Variants in SEMA5A observed in about 807,000 individuals in gnomAD.
SEMA5A encodes semaphorin-5A.
A neutral mutation model predicts 135.5 loss-of-function variants in SEMA5A; 55 were observed. The observed-to-expected ratio is 0.41, with a 90% CI of 0.33 to 0.51. SEMA5A has a LOEUF of 0.51. Ranked by LOEUF, SEMA5A falls within the 20% of genes least tolerant of loss-of-function variation. The pLI, the probability that SEMA5A is intolerant of heterozygous loss-of-function variation, is 0.37. For synonymous variants in SEMA5A, 580 were observed against 546.5 expected (o/e 1.06, Z -0.85); for missense variants, 1,290 against 1,419.9 (o/e 0.91, Z 1.47).
chr5:9,408,590 G>A (rs184963823), intron 2 of SEMA5A, among the ~76,000 whole-genome samples: 191 of 152,322 alleles, frequency 1.3e-3, no homozygotes, highest in African/African-American at 3.2e-3. Flanking sequence ...CTTAGTAGGT[G>A]CAGGCATGGT....
intron 8 of SEMA5A, among the ~76,000 whole-genome samples, chr5:9,224,197 T>G (rs140372016): frequency 3.3e-5 from 5 of 152,322 alleles, no homozygotes; most frequent in African/African-American, 1.2e-4. Context: ...AACTTCTAAG[T>G]ATGTGAGTTG....
chr5:9,280,436 T>A (rs2150562471), intron 5 of SEMA5A, among the ~76,000 whole-genome samples: 1 of 152,318 alleles, frequency 6.6e-6, no homozygotes, highest in South Asian at 2.1e-4. Context: ...ACACAGGACT[T>A]GGCCCAGGTC....
At position 9,062,968 on chromosome 5, in the gene SEMA5A, TG is replaced by T; in HGVS notation, c.2436del (p.Asn812LysfsTer52). On this transcript the variant is annotated frameshift_variant, in exon 18 of 23. Coordinates refer to ENST00000382496, the MANE Select transcript of SEMA5A (RefSeq NM_003966.3). LOFTEE classifies it high-confidence loss of function. ...RGIRNRKRVC[N>X]NPEPKYGGMP... ...ATTCCCCCATACTTGGGTTCGGGGT[TG>T]TTGCAAACACGCTTCCGGTTCCGAA... 1 of 1,614,244 alleles carries T rather than the reference TG, an allele frequency of 6.2e-7. No homozygotes were observed. The highest frequency in any genetic ancestry group is 1.1e-5 in the South Asian group (1 of 91,084).
At chr5:9,294,896 C>T (rs925407698) in intron 5 of SEMA5A, among the ~76,000 whole-genome samples, 2 of 152,146 alleles carry the variant, frequency 1.3e-5, no homozygotes, top group African/African-American at 4.8e-5. Flanking sequence ...CACCAGAATT[C>T]TCAATTAGCC....
At chr5:9,458,998 A>C (rs1309982271) in intron 1 of SEMA5A, among the ~76,000 whole-genome samples, 1 of 152,196 alleles carries the variant, frequency 6.6e-6, no homozygotes, top group Non-Finnish European at 1.5e-5. Flanking sequence ...AATTTGATCT[A>C]TTTTCACAAG....
chr5:9,108,597 A>G (rs1740054250), intron 15 of SEMA5A, among the ~76,000 whole-genome samples: 1 of 152,216 alleles, frequency 6.6e-6, no homozygotes, highest in South Asian at 2.1e-4. Context: ...CCCAAAAATA[A>G]GAGTATACAG....
At chr5:9,421,230 C>A (rs1486755027) in intron 2 of SEMA5A, among the ~76,000 whole-genome samples, 1 of 152,170 alleles carries the variant, frequency 6.6e-6, no homozygotes, top group Non-Finnish European at 1.5e-5. Flanking sequence ...GGATGGAGGT[C>A]ATTTTACTTT....
chr5:9,518,442 A>G (rs151215474), intron 1 of SEMA5A, among the ~76,000 whole-genome samples: 143 of 152,346 alleles, frequency 9.4e-4, no homozygotes, highest in African/African-American at 3.0e-3. Context: ...CACCTAAGGA[A>G]GCTGAATGAA....
intron 11 of SEMA5A, among the ~76,000 whole-genome samples, chr5:9,169,374 A>G (rs765205583): frequency 7.2e-5 from 11 of 152,208 alleles, no homozygotes; most frequent in Non-Finnish European, 1.3e-4. Context: ...ACAGTAAGTA[A>G]TGTGTCCTCT....
At chr5:9,516,415 G>A (rs1435674009) in intron 1 of SEMA5A, among the ~76,000 whole-genome samples, 2 of 152,152 alleles carry the variant, frequency 1.3e-5, no homozygotes, top group East Asian at 3.8e-4. Flanking sequence ...TCTAGAAAAA[G>A]AGATTTCTCT....
At chr5:9,353,319 G>A (rs966813971) in intron 3 of SEMA5A, among the ~76,000 whole-genome samples, 505 of 40,752 alleles carry the variant, frequency 0.012, no homozygotes, top group African/African-American at 0.028. Flanking sequence ...GAAGGGAAAG[G>A]AAGGAAAGGA....
chr5:9,093,204 A>G (rs1739129847), intron 16 of SEMA5A, among the ~76,000 whole-genome samples: 1 of 152,234 alleles, frequency 6.6e-6, no homozygotes, highest in African/African-American at 2.4e-5. Flanking sequence ...CTACATACAT[A>G]TATCTGAAAC....
intron 5 of SEMA5A, among the ~76,000 whole-genome samples, chr5:9,302,148 TAA>T (rs2150614576): frequency 6.6e-6 from 1 of 152,298 alleles, no homozygotes; most frequent in South Asian, 2.1e-4. Context: ...TGATTGTATC[TAA>T]GAGGCACCCA....
chr5:9,045,350 C>T (rs946538893), intron 21 of SEMA5A, among the ~76,000 whole-genome samples: 4 of 152,160 alleles, frequency 2.6e-5, no homozygotes, highest in Admixed American at 6.5e-5. Context: ...ATCTACTGCT[C>T]GCCTGCAAGC....
intron 21 of SEMA5A, among the ~76,000 whole-genome samples, chr5:9,048,069 G>C (rs553382709): frequency 6.6e-6 from 1 of 152,114 alleles, no homozygotes; most frequent in South Asian, 2.1e-4. Context: ...TGGCCTCCCT[G>C]AGAATGGGAA....
intron 5 of SEMA5A, among the ~76,000 whole-genome samples, chr5:9,295,204 A>G (rs1272855165): frequency 1.3e-5 from 2 of 152,232 alleles, no homozygotes; most frequent in Non-Finnish European, 2.9e-5. Context: ...CAGTAAGCAT[A>G]AAAAGGATTT....
intron 4 of SEMA5A, among the ~76,000 whole-genome samples, chr5:9,324,292 T>C (rs1752773003): frequency 6.6e-6 from 1 of 150,666 alleles, no homozygotes; most frequent in African/African-American, 2.4e-5. Context: ...ATGGTCTCTA[T>C]CTCCTGACCT....
chr5:9,102,403 T>A (rs1401490212), intron 16 of SEMA5A, among the ~76,000 whole-genome samples: 2 of 152,156 alleles, frequency 1.3e-5, no homozygotes, highest in Admixed American at 1.3e-4. Flanking sequence ...CAGGAATACA[T>A]TGTCCATGGA....
chr5:9,446,753 T>A (rs1316555886), intron 1 of SEMA5A, among the ~76,000 whole-genome samples: 1 of 152,246 alleles, frequency 6.6e-6, no homozygotes, highest in Non-Finnish European at 1.5e-5. Flanking sequence ...AAGATTTAAC[T>A]CTAGATCTAA....
Sources: allele counts gnomAD v4.1 joint callset (sites outside exome capture counted in the v4.1 genomes callset), GRCh38; gene constraint gnomAD v4.1.1; transcripts MANE v1.5; gene names NCBI Gene and HGNC (gene_info 2026-07-23, HGNC 2026-07-21).